PRKG1: variants seen among roughly 807,000 people sequenced by gnomAD.
The protein encoded by PRKG1 is protein kinase cGMP-dependent 1.
PRKG1 carries 35 observed loss-of-function variants against 88.1 expected under a neutral mutation model. That is an observed-to-expected ratio of 0.40 (90% CI 0.30 to 0.53). The LOEUF (loss-of-function observed/expected upper bound fraction) is 0.53, where lower values mean the gene tolerates loss of function less well. PRKG1 is among the 20% of genes least tolerant of loss of function. The probability of loss-of-function intolerance (pLI) is 0.59; values close to 1 mark genes in which losing one functional copy is unlikely to be tolerated. For missense variants in PRKG1, 540 were observed against 839.8 expected (o/e 0.64, Z 4.41); for synonymous variants, 303 against 292.5 (o/e 1.04, Z -0.37).
At chr10:51,103,909 T>C (rs1241996068) in intron 1 of PRKG1, among the ~76,000 whole-genome samples, 1 of 152,128 alleles carries the variant, frequency 6.6e-6, no homozygotes, top group Non-Finnish European at 1.5e-5. Context: ...GAAAACAAAA[T>C]GCTCTTCAGA....
chr10:51,619,873 A>C (rs1002185520), intron 3 of PRKG1, among the ~76,000 whole-genome samples: 7 of 152,194 alleles, frequency 4.6e-5, no homozygotes, highest in African/African-American at 1.7e-4. Flanking sequence ...TTCATCTAGT[A>C]AGACATTGCT....
intron 2 of PRKG1, among the ~76,000 whole-genome samples, chr10:51,453,219 T>C (rs1839489943): frequency 6.6e-6 from 1 of 152,040 alleles, no homozygotes; most frequent in South Asian, 2.1e-4. Flanking sequence ...GTCTATCAGT[T>C]TGGTTTATCC....
At chr10:51,137,483 T>C (rs747980279) in intron 1 of PRKG1, among the ~76,000 whole-genome samples, 9 of 152,136 alleles carry the variant, frequency 5.9e-5, no homozygotes, top group African/African-American at 7.2e-5. Flanking sequence ...TTGAGAATGA[T>C]TGGAACACTT....
intron 2 of PRKG1, among the ~76,000 whole-genome samples, chr10:51,197,173 T>C (rs1837790220): frequency 6.6e-6 from 1 of 152,134 alleles, no homozygotes; most frequent in South Asian, 2.1e-4. Flanking sequence ...AATTGAGACG[T>C]AGATGGACAG....
At chr10:51,928,748 G>A (rs950972065) in intron 5 of PRKG1, among the ~76,000 whole-genome samples, 6 of 152,262 alleles carry the variant, frequency 3.9e-5, no homozygotes, top group Middle Eastern at 3.4e-3. Context: ...ATCAAAGAGC[G>A]TTCATGCATA....
chr10:51,625,516 G>A (rs1400286102), intron 3 of PRKG1, among the ~76,000 whole-genome samples: 1 of 152,008 alleles, frequency 6.6e-6, no homozygotes, highest in Non-Finnish European at 1.5e-5. Flanking sequence ...CATAGACACA[G>A]AAATAAATTC....
At chr10:51,692,013 T>C (rs568154685) in intron 3 of PRKG1, among the ~76,000 whole-genome samples, 1 of 152,200 alleles carries the variant, frequency 6.6e-6, no homozygotes, top group Non-Finnish European at 1.5e-5. Context: ...CATAAAAAGA[T>C]GAAATCATTT....
chr10:51,230,518 C>T (rs546398429), intron 2 of PRKG1, among the ~76,000 whole-genome samples: 18 of 152,208 alleles, frequency 1.2e-4, no homozygotes, highest in Admixed American at 9.2e-4. Flanking sequence ...TAGATACACT[C>T]GTGTGAAAAA....
chr10:51,365,249 T>C (rs1842565532), intron 2 of PRKG1, among the ~76,000 whole-genome samples: 1 of 151,888 alleles, frequency 6.6e-6, no homozygotes, highest in African/African-American at 2.4e-5. Context: ...TCACCACTCA[T>C]CATCATTAAC....
chr10:51,058,465 G>A, intron 1 of PRKG1, among the ~76,000 whole-genome samples: 1 of 151,984 alleles, frequency 6.6e-6, no homozygotes, highest in Non-Finnish European at 1.5e-5. Flanking sequence ...CCAGTATCCA[G>A]TATTCATAAC....
At chr10:51,944,459 T>C (rs950644300) in intron 5 of PRKG1, among the ~76,000 whole-genome samples, 27 of 152,054 alleles carry the variant, frequency 1.8e-4, no homozygotes, top group African/African-American at 5.1e-4. Context: ...TTTCCTTCAG[T>C]TCTGCTCTGA....
chr10:52,221,184 G>A (rs542549339), intron 9 of PRKG1, among the ~76,000 whole-genome samples: 8 of 151,746 alleles, frequency 5.3e-5, no homozygotes, highest in East Asian at 1.9e-4. Context: ...ATTGTTGGCC[G>A]CATGTACAGA....
intron 7 of PRKG1, among the ~76,000 whole-genome samples, chr10:52,130,352 A>G (rs1837220856): frequency 6.6e-6 from 1 of 152,154 alleles, no homozygotes; most frequent in Admixed American, 6.5e-5. Context: ...TTTTTGTTGC[A>G]TGGAAATTGC....
At chr10:52,168,850 A>T (rs1368441740) in intron 9 of PRKG1, among the ~76,000 whole-genome samples, 1 of 152,168 alleles carries the variant, frequency 6.6e-6, no homozygotes, top group African/African-American at 2.4e-5. Context: ...GACAGAATTC[A>T]CTAAGGTAGA....
At chr10:51,586,416 C>A (rs1838175083) in intron 3 of PRKG1, among the ~76,000 whole-genome samples, 1 of 152,096 alleles carries the variant, frequency 6.6e-6, no homozygotes, top group Admixed American at 6.6e-5. Context: ...AAGAAATTGA[C>A]ATGAGGTATC....
intron 2 of PRKG1, among the ~76,000 whole-genome samples, chr10:51,174,028 T>G (rs754617719): frequency 6.6e-6 from 1 of 151,926 alleles, no homozygotes; most frequent in Admixed American, 6.6e-5. Context: ...CCCTCAAGTA[T>G]ATTTTTGACT....
chr10:51,388,848 G>C (rs567624828), intron 2 of PRKG1, among the ~76,000 whole-genome samples: 1 of 152,146 alleles, frequency 6.6e-6, no homozygotes, highest in African/African-American at 2.4e-5. Flanking sequence ...TCTCACCAGC[G>C]TTCTAGTTTT....
chr10:52,213,916 G>T (rs1433829491), intron 9 of PRKG1, among the ~76,000 whole-genome samples: 1 of 152,104 alleles, frequency 6.6e-6, no homozygotes, highest in Non-Finnish European at 1.5e-5. Context: ...ACACTGCCTA[G>T]AAATCTTAAA....
intron 5 of PRKG1, among the ~76,000 whole-genome samples, chr10:52,000,331 A>G (rs1249904163): frequency 6.6e-6 from 1 of 152,054 alleles, no homozygotes; most frequent in Non-Finnish European, 1.5e-5. Flanking sequence ...AGCAATATAT[A>G]TATATAATTT....
Sources: allele counts gnomAD v4.1 joint callset (sites outside exome capture counted in the v4.1 genomes callset), GRCh38; gene constraint gnomAD v4.1.1; transcripts MANE v1.5; gene names NCBI Gene and HGNC (gene_info 2026-07-23, HGNC 2026-07-21).